RGS6: variants seen among roughly 807,000 people sequenced by gnomAD.
RGS6 encodes regulator of G-protein signaling 6.
In RGS6, 30 loss-of-function variants were observed where a neutral mutation model predicts 78.5. That is an observed-to-expected ratio of 0.38 (90% CI 0.29 to 0.52). The LOEUF is 0.52. RGS6 is among the 20% of genes least tolerant of loss of function. The probability of loss-of-function intolerance (pLI) is 0.85; values close to 1 mark genes in which losing one functional copy is unlikely to be tolerated. For missense variants in RGS6, 495 were observed against 609.7 expected, an observed-to-expected ratio of 0.81 and a Z score of 1.98; for synonymous variants, 206 against 206.0, an observed-to-expected ratio of 1.00 and a Z score of 0.00.
Position 72,541,408 on chromosome 14 carries a change from G to A in RGS6, c.1422+1314G>A, listed in dbSNP as rs981081394. 319 of 1,497,152 alleles carry A rather than the reference G, an allele frequency of 2.1e-4. 2 individuals are homozygous for A. The African/African-American group carries it at 4.1e-3, about 19-fold the overall frequency. The allele number at this position is 1,497,152 out of a possible 1,614,324, so 92.7% of individuals were successfully genotyped here. ...AGTGGGTGGCAATTAATTAAACATC[G>A]GTATCCATCCCTTCCCTTCCTCGGT... On this transcript the variant is annotated intron_variant, in intron 17 of 17. Coordinates refer to ENST00000553525, the MANE Select transcript of RGS6 (RefSeq NM_001204424.2).
At chr14:72,072,599 G>C (rs374085074) in intron 2 of RGS6, among the ~76,000 whole-genome samples, 1 of 152,148 alleles carries the variant, frequency 6.6e-6, no homozygotes, top group Admixed American at 6.5e-5. Flanking sequence ...GTGAGCCACT[G>C]TTCTTGGCTG....
At chr14:72,408,234 T>G (rs971914680) in intron 3 of RGS6, among the ~76,000 whole-genome samples, 2 of 152,244 alleles carry the variant, frequency 1.3e-5, no homozygotes, top group African/African-American at 4.8e-5. Flanking sequence ...CGAGTCTGTT[T>G]ATACTAAGAT....
chr14:72,552,367 G>C (rs2097520388), intron 17 of RGS6, among the ~76,000 whole-genome samples: 1 of 152,222 alleles, frequency 6.6e-6, no homozygotes, highest in South Asian at 2.1e-4. Flanking sequence ...GGGAACTGGG[G>C]GGCTTGTCAG....
chr14:72,380,125 G>C (rs1156322633), intron 3 of RGS6, among the ~76,000 whole-genome samples: 2 of 151,980 alleles, frequency 1.3e-5, no homozygotes, highest in Admixed American at 1.3e-4. Flanking sequence ...ATATACAGAA[G>C]AATGAAACTA....
the RGS6 span, among the ~76,000 whole-genome samples, chr14:71,895,641 G>A: frequency 6.6e-6 from 1 of 152,178 alleles, no homozygotes; most frequent in Admixed American, 6.5e-5. Context: ...CAGTCTTAAT[G>A]GGCAATGAGA....
intron 2 of RGS6, among the ~76,000 whole-genome samples, chr14:72,045,185 C>A (rs947086818): frequency 2.0e-5 from 3 of 152,190 alleles, no homozygotes; most frequent in Non-Finnish European, 4.4e-5. Flanking sequence ...CTCAGGAGAA[C>A]CCTAATACAC....
intron 2 of RGS6, among the ~76,000 whole-genome samples, chr14:72,320,698 A>C (rs767561338): frequency 4.0e-5 from 6 of 151,782 alleles, no homozygotes; most frequent in Non-Finnish European, 7.4e-5. Flanking sequence ...TTTTGCTTTT[A>C]GACTGGGTCT....
chr14:71,979,505 C>A (rs1019798009), intron 2 of RGS6, among the ~76,000 whole-genome samples: 3 of 151,964 alleles, frequency 2.0e-5, no homozygotes, highest in Non-Finnish European at 2.9e-5. Flanking sequence ...TTATTTCTGC[C>A]TTCATTTCGT....
chr14:72,189,244 C>T lies in RGS6; in HGVS notation c.85-162851C>T, dbSNP rs138785415. 7.0e-3 allele frequency among the ~76,000 whole-genome samples: 1,067 copies of T among 152,266 alleles called. 5 individuals are homozygous for T. The highest frequency in any genetic ancestry group is 0.02 in the Middle Eastern group (6 of 294). On this transcript the variant is annotated intron_variant, in intron 2 of 17. Coordinates refer to ENST00000553525, the MANE Select transcript of RGS6 (RefSeq NM_001204424.2). ...AGGCACAATTCCAAACAAAATAGATCTGAACACCAAAGTGGGCAGTTCGTT... is the reference window on the plus strand; with the variant it reads ...AGGCACAATTCCAAACAAAATAGATTTGAACACCAAAGTGGGCAGTTCGTT...
chr14:72,406,732 C>A lies in RGS6; in HGVS notation c.185-47796C>A, dbSNP rs184112815. ...AGATATGCAACAGTATAGGTATGTT[C>A]ATCTTAGTATTTTGGGGACAAAACT... On this transcript the variant is annotated intron_variant, in intron 3 of 17. Transcript: ENST00000553525. Among the ~76,000 whole-genome samples, 433 of 152,286 alleles carry A rather than the reference C, an allele frequency of 2.8e-3. 1 individual carries two copies. The highest frequency in any genetic ancestry group is 5.1e-3 in the Non-Finnish European group (348 of 68,030).
intron 2 of RGS6, among the ~76,000 whole-genome samples, chr14:72,091,510 C>T (rs2095267918): frequency 6.6e-6 from 1 of 152,144 alleles, no homozygotes; most frequent in South Asian, 2.1e-4. Context: ...GCTCCATGTT[C>T]CTGTGACTTT....
chr14:72,402,790 G>GTTTTTTTTTTTTTTTTTTTTTTTTTTT (rs1167831473), intron 3 of RGS6, among the ~76,000 whole-genome samples: 4 of 75,800 alleles, frequency 5.3e-5, no homozygotes, highest in African/African-American at 1.1e-4. Flanking sequence ...TGTTTTTTTG[G>GTTTTTTTTTTTTTTTTTTTTTTTTTTT]TTTTTTTTTT....
chr14:72,147,511 G>A (rs76678548), intron 2 of RGS6, among the ~76,000 whole-genome samples: 6,751 of 152,274 alleles, frequency 0.044, 183 homozygotes, highest in Middle Eastern at 0.085. Flanking sequence ...TTGCAATAAT[G>A]ACATTAATCT....
intron 3 of RGS6, among the ~76,000 whole-genome samples, chr14:72,454,193 G>A (rs986882906): frequency 5.3e-5 from 8 of 152,184 alleles, no homozygotes; most frequent in Non-Finnish European, 1.0e-4. Context: ...AGCTGATGAG[G>A]CCTCCTTCTT....
intron 2 of RGS6, among the ~76,000 whole-genome samples, chr14:72,232,753 G>A (rs1375364510): frequency 6.6e-6 from 1 of 152,180 alleles, no homozygotes. Flanking sequence ...TGTGGGGAGT[G>A]TCTTTAGGGA....
intron 2 of RGS6, among the ~76,000 whole-genome samples, chr14:72,090,126 A>AT (rs201831841): frequency 0.046 from 6,993 of 150,790 alleles, 240 homozygotes; most frequent in Admixed American, 0.095. Context: ...AAAAAAAAAA[A>AT]AAATAAAGCC....
chr14:72,181,762 T>C (rs1286178464), intron 2 of RGS6, among the ~76,000 whole-genome samples: 1 of 152,204 alleles, frequency 6.6e-6, no homozygotes, highest in Non-Finnish European at 1.5e-5. Flanking sequence ...CCTAATAACA[T>C]GAGGGTTTTT....
At chr14:72,585,336 T>C in the RGS6 span, among the ~76,000 whole-genome samples, 1,636 of 152,306 alleles carry the variant, frequency 0.011, 52 homozygotes, top group East Asian at 0.061. Flanking sequence ...GGATAGACAT[T>C]GCAGGCATGA....
chr14:72,465,577 GAT>G (rs2095880345), intron 6 of RGS6, among the ~76,000 whole-genome samples, 179 bp from the exon 7 acceptor site: 1 of 150,022 alleles, frequency 6.7e-6, no homozygotes, highest in South Asian at 2.2e-4. Context: ...TGGATGGATG[GAT>G]GGATGGATGG....
Sources: gnomAD v4.1 joint callset for allele counts (sites outside exome capture counted in the v4.1 genomes callset) on GRCh38, gnomAD v4.1.1 for gene constraint, MANE v1.5 for transcripts, NCBI Gene and HGNC (gene_info 2026-07-23, HGNC 2026-07-21) for gene names.